The following SFMBT2 variants were observed in gnomAD, a reference collection of about 807,000 sequenced individuals.
SFMBT2 encodes scm-like with four MBT domains protein 2.
Under a neutral mutation model 110.1 loss-of-function variants are expected in SFMBT2, and 38 were observed. The ratio of observed to expected loss-of-function variants is 0.35; its 90% CI spans 0.27 to 0.45. The LOEUF (loss-of-function observed/expected upper bound fraction) is 0.45, where lower values mean the gene tolerates loss of function less well. Among genes scored for constraint, SFMBT2 ranks in the 20% least tolerant of loss-of-function variants. SFMBT2 has a pLI of 1.00. For missense variants in SFMBT2, 1,011 were observed against 1,094.9 expected, an observed-to-expected ratio of 0.92 and a Z score of 1.08; for synonymous variants, 425 against 425.4, an observed-to-expected ratio of 1.00 and a Z score of 0.01.
At chr10:7,373,733 A>G (rs1390812706) in intron 2 of SFMBT2, among the ~76,000 whole-genome samples, 1 of 152,168 alleles carries the variant, frequency 6.6e-6, no homozygotes, top group African/African-American at 2.4e-5. Flanking sequence ...CTACAGCCAA[A>G]AAAGCAGGAA....
intron 10 of SFMBT2, among the ~76,000 whole-genome samples, chr10:7,226,333 C>G (rs1172594659): frequency 6.6e-6 from 1 of 152,254 alleles, no homozygotes; most frequent in Non-Finnish European, 1.5e-5. Flanking sequence ...TACCAGCTGA[C>G]CCAGTCATCA....
intron 1 of SFMBT2, among the ~76,000 whole-genome samples, chr10:7,399,166 A>ATTGTAGCT (rs906378924): frequency 2.6e-5 from 4 of 152,326 alleles, no homozygotes; most frequent in African/African-American, 9.6e-5. Context: ...GCACTCCTGC[A>ATTGTAGCT]TTGTAGCTGG....
chr10:7,239,458 C>T (rs1840367069), intron 9 of SFMBT2, among the ~76,000 whole-genome samples: 1 of 152,128 alleles, frequency 6.6e-6, no homozygotes, highest in Non-Finnish European at 1.5e-5. Flanking sequence ...ACTCTTAATC[C>T]TGGTGTTGAG....
chr10:7,284,090 C>A lies in SFMBT2; in HGVS notation c.586G>T (p.Asp196Tyr). 6.2e-7 allele frequency: 1 copy of A among 1,614,196 alleles called. No individual in the cohort carries two copies. Residue 196 changes from aspartate (D) to tyrosine (Y), a missense_variant, in exon 6 of 21, where the codon GAT (aspartate) becomes TAT (tyrosine). By Grantham distance (160) the Asp-to-Tyr change is radical. Transcript: ENST00000397167. ...ITVGSLIELQ[D>Y]SQNPFQYWIV... ...CAGTACTGAAAAGGGTTCTGGGAAT[C>A]CTGAAGTTCTATTAAGGAACCAACT... is the stretch of plus-strand genomic sequence containing the variant.
At chr10:7,267,436 A>G (rs922603694) in intron 7 of SFMBT2, among the ~76,000 whole-genome samples, 4 of 152,178 alleles carry the variant, frequency 2.6e-5, no homozygotes, top group Admixed American at 6.6e-5. Flanking sequence ...CTTTGGACTC[A>G]AGTGCAGTTG....
In SFMBT2 at chr10:7,162,167, C is replaced by T. The variant is rs41290249; in HGVS notation, c.*1603G>A. The T allele has an allele frequency of 8.6e-3, 1,305 of 152,198 alleles. 14 individuals are homozygous for T. Among genetic ancestry groups the T allele is most frequent in the Non-Finnish European group, 0.013 (868 of 68,028 alleles). The allele number at this position is 152,198 out of a possible 1,614,324, so 9.4% of individuals were successfully genotyped here. A position where few individuals can be genotyped will look rare whatever the true frequency, so the allele number is the denominator to read the frequency against. ...ACAGCTTTGTCTGCACGTGACCTGGCGGATTTAACACAACTGCCCAGGAAA... is the reference window on the plus strand; with the variant it reads ...ACAGCTTTGTCTGCACGTGACCTGGTGGATTTAACACAACTGCCCAGGAAA... On this transcript the variant is annotated 3_prime_UTR_variant, in exon 21 of 21. Coordinates refer to ENST00000397167, the MANE Select transcript of SFMBT2 (RefSeq NM_001387889.1).
chr10:7,209,663 G>A (rs972694010), intron 11 of SFMBT2, among the ~76,000 whole-genome samples: 1 of 152,198 alleles, frequency 6.6e-6, no homozygotes, highest in Non-Finnish European at 1.5e-5. Flanking sequence ...TGTTTAAAAG[G>A]GGGAAATAAC....
intron 4 of SFMBT2, among the ~76,000 whole-genome samples, chr10:7,358,595 C>T (rs1431519410): frequency 6.6e-6 from 1 of 151,994 alleles, no homozygotes; most frequent in Admixed American, 6.5e-5. Flanking sequence ...GGCCCTAGAA[C>T]ATCTGCATGG....
intron 2 of SFMBT2, among the ~76,000 whole-genome samples, chr10:7,378,515 TG>T: frequency 1.8e-5 from 1 of 54,360 alleles, no homozygotes; most frequent in Non-Finnish European, 3.1e-5. Context: ...GATGGGTGGG[TG>T]GATAGATGGG....
rs1554802950 is a variant in SFMBT2, at chr10:7,315,120, A to AAAGAAAG, written c.437-29167_437-29166insCTTTCTT. ...AGAAAGAAAGAAAGAAAAAGCAAGC[A>AAAGAAAG]AGCAAGCCAGCCAATCCGGCAGCAC... is the stretch of plus-strand genomic sequence containing the variant. On this transcript the variant is annotated intron_variant, in intron 4 of 20. Coordinates refer to ENST00000397167, the MANE Select transcript of SFMBT2 (RefSeq NM_001387889.1). Among the ~76,000 whole-genome samples, 328 of 144,792 alleles carry AAAGAAAG rather than the reference A, an allele frequency of 2.3e-3. 2 individuals are homozygous for AAAGAAAG. Among genetic ancestry groups the AAAGAAAG allele is most frequent in the Non-Finnish European group, 3.6e-3 (231 of 64,292 alleles). The allele number at this position is 144,792 out of a possible 152,430, so 95.0% of individuals were successfully genotyped here. A position where few individuals can be genotyped will look rare whatever the true frequency, so the allele number is the denominator to read the frequency against.
chr10:7,246,537 G>C (rs1414315833), intron 8 of SFMBT2, among the ~76,000 whole-genome samples: 1 of 151,936 alleles, frequency 6.6e-6, no homozygotes, highest in Non-Finnish European at 1.5e-5. Context: ...TGGTCAAGAC[G>C]GTGAAACCCC....
At chr10:7,243,102 T>C (rs1280720003) in intron 9 of SFMBT2, among the ~76,000 whole-genome samples, 1 of 152,240 alleles carries the variant, frequency 6.6e-6, no homozygotes, top group Admixed American at 6.5e-5. Context: ...AGTGTAATTA[T>C]TTTAAAGTAT....
chr10:7,249,120 C>G (rs1192176145), intron 7 of SFMBT2: 2 of 964,126 alleles, frequency 2.1e-6, no homozygotes, highest in Admixed American at 6.2e-5. Flanking sequence ...TAGAAGTAAG[C>G]TGGCACACAG....
chr10:7,336,128 T>G (rs1049772278), intron 4 of SFMBT2, among the ~76,000 whole-genome samples: 7 of 152,222 alleles, frequency 4.6e-5, no homozygotes, highest in African/African-American at 1.4e-4. Context: ...AAATTAAATA[T>G]TGCCTTGAAG....
intron 4 of SFMBT2, among the ~76,000 whole-genome samples, chr10:7,318,361 T>C (rs1358381774): frequency 6.6e-6 from 1 of 152,244 alleles, no homozygotes; most frequent in Non-Finnish European, 1.5e-5. Flanking sequence ...TTTTTATGTG[T>C]TATACTGACA....
intron 3 of SFMBT2, among the ~76,000 whole-genome samples, chr10:7,368,679 G>T (rs1018978713): frequency 2.0e-5 from 3 of 152,178 alleles, no homozygotes; most frequent in Non-Finnish European, 2.9e-5. Flanking sequence ...GAGAGAAATT[G>T]ATAACTTCTC....
intron 4 of SFMBT2, among the ~76,000 whole-genome samples, chr10:7,319,803 A>C (rs144298420): frequency 0.014 from 2,143 of 151,500 alleles, 29 homozygotes; most frequent in Non-Finnish European, 0.023. Context: ...ACAGACAGAC[A>C]GAGACTGAGA....
At chr10:7,211,007 C>T (rs1839330571) in intron 11 of SFMBT2, among the ~76,000 whole-genome samples, 2 of 152,190 alleles carry the variant, frequency 1.3e-5, no homozygotes, top group South Asian at 4.1e-4. Context: ...ATCCTCACAA[C>T]AACCCTAAGA....
intron 4 of SFMBT2, among the ~76,000 whole-genome samples, chr10:7,325,957 T>C (rs1379838479): frequency 6.6e-6 from 1 of 152,220 alleles, no homozygotes; most frequent in Non-Finnish European, 1.5e-5. Context: ...TTAAACTGAA[T>C]ATTGTTGGCA....
Sources: gnomAD v4.1 joint callset for allele counts (sites outside exome capture counted in the v4.1 genomes callset) on GRCh38, gnomAD v4.1.1 for gene constraint, MANE v1.5 for transcripts, NCBI Gene and HGNC (gene_info 2026-07-23, HGNC 2026-07-21) for gene names.